Variants in DNAJC3 observed in about 807,000 individuals in gnomAD.
DNAJC3 encodes the protein dnaJ homolog subfamily C member 3.
A neutral mutation model predicts 68.6 loss-of-function variants in DNAJC3; 38 were observed. That is an observed-to-expected ratio of 0.55 (90% CI 0.43 to 0.73). The LOEUF is 0.73. Among genes scored for constraint, DNAJC3 ranks in the 30% least tolerant of loss-of-function variants. The probability of loss-of-function intolerance (pLI) is 0.00; values close to 1 mark genes in which losing one functional copy is unlikely to be tolerated. For synonymous variants in DNAJC3, 203 were observed against 204.0 expected (o/e 1.00, Z 0.04); for missense variants, 526 against 591.9 (o/e 0.89, Z 1.16).
intron 2 of DNAJC3, among the ~76,000 whole-genome samples, chr13:95,711,105 G>T (rs1440568931): frequency 6.6e-6 from 1 of 152,076 alleles, no homozygotes; most frequent in Non-Finnish European, 1.5e-5. Flanking sequence ...TTTTCTTTAT[G>T]CTTTTTCTTA....
chr13:95,712,593 T>G (rs1400745220), intron 2 of DNAJC3, among the ~76,000 whole-genome samples: 1 of 152,038 alleles, frequency 6.6e-6, no homozygotes, highest in Non-Finnish European at 1.5e-5. Flanking sequence ...GCCAGGCTGG[T>G]CTTGAACTTC....
intron 2 of DNAJC3, among the ~76,000 whole-genome samples, chr13:95,712,850 T>G (rs116735066): frequency 0.013 from 2,038 of 152,284 alleles, 47 homozygotes; most frequent in African/African-American, 0.047. Context: ...GGGAAGTAAT[T>G]TAATCACGGG....
chr13:95,744,506 T>G (rs2139661679), intron 4 of DNAJC3, among the ~76,000 whole-genome samples: 1 of 152,350 alleles, frequency 6.6e-6, no homozygotes, highest in South Asian at 2.1e-4. Context: ...AATCATTTTA[T>G]GTTAAGCTTT....
intron 2 of DNAJC3, among the ~76,000 whole-genome samples, chr13:95,716,899 GC>G (rs374598590): frequency 2.0e-5 from 3 of 152,296 alleles, no homozygotes; most frequent in South Asian, 2.1e-4. Context: ...AAACAGGAGT[GC>G]CTGTTCTCAC....
intron 4 of DNAJC3, among the ~76,000 whole-genome samples, chr13:95,735,746 A>G (rs1881889463): frequency 1.3e-5 from 2 of 151,836 alleles, no homozygotes; most frequent in South Asian, 2.1e-4. Flanking sequence ...AGTAGGTTGC[A>G]AAAATTTTCT....
intron 2 of DNAJC3, among the ~76,000 whole-genome samples, chr13:95,715,116 G>A (rs1168037401): frequency 6.6e-6 from 1 of 152,220 alleles, no homozygotes; most frequent in African/African-American, 2.4e-5. Context: ...AGGCAGTGTG[G>A]TGGCTTACAA....
At chr13:95,709,445 A>G (rs1880877441) in intron 2 of DNAJC3, 108 bp downstream of exon 2, 3 of 775,876 alleles carry the variant, frequency 3.9e-6, no homozygotes, top group Middle Eastern at 6.3e-4. Context: ...TGTTTAAATA[A>G]AACATTTAAA....
intron 2 of DNAJC3, among the ~76,000 whole-genome samples, chr13:95,710,032 T>A (rs1017988985): frequency 4.6e-5 from 7 of 152,202 alleles, no homozygotes; most frequent in African/African-American, 1.7e-4. Flanking sequence ...CCTTGGGAGA[T>A]GCTGCAGTTC....
intron 4 of DNAJC3, among the ~76,000 whole-genome samples, chr13:95,732,281 AT>A (rs752009584): frequency 2.6e-5 from 4 of 152,174 alleles, no homozygotes; most frequent in African/African-American, 4.8e-5. Flanking sequence ...GTTTGGAAGA[AT>A]TTGGCAATGA....
intron 1 of DNAJC3, among the ~76,000 whole-genome samples, chr13:95,696,677 C>A (rs1023231555): frequency 2.6e-5 from 4 of 152,056 alleles, no homozygotes; most frequent in African/African-American, 4.8e-5. Flanking sequence ...TTTTGTTACC[C>A]CTTTACTTTG....
At chr13:95,740,276 C>A (rs1882085825) in intron 4 of DNAJC3, among the ~76,000 whole-genome samples, 1 of 152,236 alleles carries the variant, frequency 6.6e-6, no homozygotes, top group Admixed American at 6.5e-5. Flanking sequence ...TTGTCTGTGC[C>A]CTGCTCCCAG....
Position 95,789,148 on chromosome 13 carries a change from C to CTAAG in DNAJC3, c.1358-1723_1358-1720dup, listed in dbSNP as rs1199810360. 3.9e-5 allele frequency among the ~76,000 whole-genome samples: 6 copies of CTAAG among 152,064 alleles called. No individual in the cohort carries two copies. The East Asian group carries it at 1.2e-3, about 29-fold the overall frequency. On this transcript the variant is annotated intron_variant, in intron 11 of 11. Coordinates refer to ENST00000602402, the MANE Select transcript of DNAJC3 (RefSeq NM_006260.5). Reference sequence around the variant, plus strand: ...ATTTATTAAAAAACCTAGCTATATGCTAAGTCTTTTTATTTTTTTTTTGTA... The same window carrying CTAAG: ...ATTTATTAAAAAACCTAGCTATATGCTAAGTAAGTCTTTTTATTTTTTTTTTGTA...
At chr13:95,786,758 A>T (rs1275128316) in intron 10 of DNAJC3, among the ~76,000 whole-genome samples, 1 of 152,208 alleles carries the variant, frequency 6.6e-6, no homozygotes, top group African/African-American at 2.4e-5. Flanking sequence ...TAAAAAAGGG[A>T]AAGTTCTAAA....
In DNAJC3 at chr13:95,725,255, A is replaced by G; in HGVS notation, c.393+3A>G. On this transcript the variant is annotated splice_donor_region_variant and intron_variant, in intron 4 of 11. Coordinates refer to ENST00000602402, the MANE Select transcript of DNAJC3 (RefSeq NM_006260.5). The stretch of plus-strand genomic sequence containing the variant: ...CAGAAGATGATTTTAAAAAAGTGGT[A>G]AGTTCAATATGTATTTGACTCTAGG... The G allele has an allele frequency of 6.3e-7, 1 of 1,587,452 alleles. No individual in the cohort carries two copies. Among genetic ancestry groups the G allele is most frequent in the East Asian group, 2.3e-5 (1 of 44,010 alleles).
intron 2 of DNAJC3, among the ~76,000 whole-genome samples, chr13:95,710,228 CTTTTCT>C (rs897917654): frequency 4.3e-5 from 5 of 115,794 alleles, no homozygotes; most frequent in African/African-American, 1.5e-4. Flanking sequence ...CTCTCCTTTT[CTTTTCT>C]TTTTTTTTTT....
chr13:95,768,696 C>G (rs1332287495), intron 9 of DNAJC3, among the ~76,000 whole-genome samples: 1 of 152,126 alleles, frequency 6.6e-6, no homozygotes, highest in Non-Finnish European at 1.5e-5. Flanking sequence ...TTATACCGGC[C>G]AGGCACGGTG....
Position 95,791,344 on chromosome 13 carries a change from G to C in DNAJC3, c.*314G>C. Reference sequence around the variant, plus strand: ...TATTCTGTATTATTTTTCTACACTGGAGCTGAGATTCTTCTCTTCACAGCC... The same window carrying C: ...TATTCTGTATTATTTTTCTACACTGCAGCTGAGATTCTTCTCTTCACAGCC... On this transcript the variant is annotated 3_prime_UTR_variant, in exon 12 of 12. Coordinates refer to ENST00000602402, the MANE Select transcript of DNAJC3 (RefSeq NM_006260.5). 3.0e-6 allele frequency: 1 copy of C among 331,698 alleles called. No individual in the cohort carries two copies. Among genetic ancestry groups the C allele is most frequent in the Non-Finnish European group, 5.6e-6 (1 of 178,302 alleles). 20.5% of individuals were successfully genotyped at this position (331,698 alleles called of 1,614,324 possible). A position where few individuals can be genotyped will look rare whatever the true frequency, so the allele number is the denominator to read the frequency against.
At chr13:95,752,288 ATAACT>A (rs112904317) in intron 4 of DNAJC3, among the ~76,000 whole-genome samples, 42 of 152,356 alleles carry the variant, frequency 2.8e-4, no homozygotes, top group African/African-American at 8.9e-4. Flanking sequence ...AGAAATTAAA[ATAACT>A]TAATGAAAAG....
chr13:95,690,377 GTC>G (rs1305537301), intron 1 of DNAJC3, among the ~76,000 whole-genome samples: 7 of 151,962 alleles, frequency 4.6e-5, no homozygotes, highest in Admixed American at 4.6e-4. Context: ...AGTCTCCCAT[GTC>G]TACTTCTTTC....
Sources: gnomAD v4.1 joint callset for allele counts (sites outside exome capture counted in the v4.1 genomes callset) on GRCh38, gnomAD v4.1.1 for gene constraint, MANE v1.5 for transcripts, NCBI Gene and HGNC (gene_info 2026-07-23, HGNC 2026-07-21) for gene names.